ZNF540: variants seen among roughly 807,000 people sequenced by gnomAD.
The protein encoded by ZNF540 is CTD-3064H18.6.
A neutral mutation model predicts 11.8 loss-of-function variants in ZNF540; 3 were observed. That is an observed-to-expected ratio of 0.25 (90% CI 0.12 to 0.65). The LOEUF (loss-of-function observed/expected upper bound fraction) is 0.65, where lower values mean the gene tolerates loss of function less well. Among genes scored for constraint, ZNF540 ranks in the 30% least tolerant of loss-of-function variants. The probability of loss-of-function intolerance (pLI) is 0.83; values close to 1 mark genes in which losing one functional copy is unlikely to be tolerated. For synonymous variants in ZNF540, 247 were observed against 259.0 expected, an observed-to-expected ratio of 0.95 and a Z score of 0.45; for missense variants, 709 against 793.1, an observed-to-expected ratio of 0.89 and a Z score of 1.27.
intron 1 of ZNF540, chr19:37,560,637 G>C (rs1049772957): frequency 1.3e-5 from 2 of 152,022 alleles, no homozygotes; most frequent in Non-Finnish European, 2.9e-5. Context: ...CCAAAGTGCT[G>C]GGATTACAGG....
At position 37,613,186 on chromosome 19, in the gene ZNF540, G is replaced by A. The variant is rs1568370272; in HGVS notation, c.1906G>A (p.Glu636Lys). The A allele has an allele frequency of 6.2e-7, 1 of 1,611,788 alleles. No individual in the cohort carries two copies. Among genetic ancestry groups the A allele is most frequent in the East Asian group, 2.2e-5 (1 of 44,844 alleles). Residue 636 changes from glutamate (E) to lysine (K), a missense_variant, in exon 5 of 5, where the codon GAG becomes AAG. Coordinates refer to ENST00000316433, the MANE Select transcript of ZNF540 (RefSeq NM_001172225.3). ...AATTCACACTGGTGAGAAACCCTAT[G>A]AGTGTAAGGTATGTAGAAAGGCCTT... ...QRIHTGEKPYECKVCRKAFRQ... is the reference protein window; with the variant it reads ...QRIHTGEKPYKCKVCRKAFRQ...
At chr19:37,555,179 G>A (rs2042646617) in intron 1 of ZNF540, 1 of 152,196 alleles carries the variant, frequency 6.6e-6, no homozygotes, top group South Asian at 2.1e-4. Flanking sequence ...GAGCCAAGAT[G>A]GAGTCTGTCT....
At chr19:37,577,602 C>G (rs538292155) in intron 1 of ZNF540, among the ~76,000 whole-genome samples, 2 of 152,224 alleles carry the variant, frequency 1.3e-5, no homozygotes, top group East Asian at 3.9e-4. Context: ...ACCCCAAAAC[C>G]AGACAAGCTA....
intron 1 of ZNF540, chr19:37,587,466 A>C (rs2043714487): frequency 6.6e-6 from 1 of 152,304 alleles, no homozygotes; most frequent in Admixed American, 6.5e-5. Flanking sequence ...ACGGAGGGTC[A>C]AACAGGAGCA....
intron 4 of ZNF540, among the ~76,000 whole-genome samples, chr19:37,605,086 T>C (rs906099516): frequency 2.0e-5 from 3 of 152,228 alleles, no homozygotes; most frequent in African/African-American, 4.8e-5. Flanking sequence ...GAGTGCTTGT[T>C]TACAAGTCTT....
At position 37,613,390 on chromosome 19, in the gene ZNF540, C is replaced by A. The variant is rs1280340383; in HGVS notation, c.*127C>A. ...TTAATAAATGTATGAGTCTTAAATA[C>A]CTCTTAGTTCTCATTAAATTTAGGA... On this transcript the variant is annotated 3_prime_UTR_variant, in exon 5 of 5. Coordinates refer to ENST00000316433, the MANE Select transcript of ZNF540 (RefSeq NM_001172225.3). The A allele has an allele frequency of 2.2e-5, 14 of 630,238 alleles. No individual in the cohort carries two copies. Among genetic ancestry groups the A allele is most frequent in the South Asian group, 4.6e-5 (1 of 21,534 alleles). 39.0% of individuals were successfully genotyped at this position (630,238 alleles called of 1,614,324 possible). A position where few individuals can be genotyped will look rare whatever the true frequency, so the allele number is the denominator to read the frequency against.
At chr19:37,590,073 A>G (rs1280486969), upstream of ZNF540, among the ~76,000 whole-genome samples, 1 of 149,920 alleles carries the variant, frequency 6.7e-6, no homozygotes, top group East Asian at 2.0e-4. Context: ...TTGATCCTAG[A>G]TATGATTTTG....
intron 1 of ZNF540, among the ~76,000 whole-genome samples, chr19:37,576,465 T>C (rs1600495763): frequency 1.3e-5 from 2 of 152,304 alleles, no homozygotes; most frequent in South Asian, 4.1e-4. Flanking sequence ...AACCTTACTC[T>C]ACCATACAGC....
Position 37,613,148 on chromosome 19 carries a change from C to T in ZNF540, c.1868C>T (p.Thr623Ile). The T allele has an allele frequency of 6.2e-7, 1 of 1,613,892 alleles. No homozygotes were observed. The highest frequency in any genetic ancestry group is 1.1e-5 in the South Asian group (1 of 91,058). ...GCCTTTAGACTTAATTCACACCTTACTGAACATCAGAGAATTCACACTGGT... is the reference window on the plus strand; with the variant it reads ...GCCTTTAGACTTAATTCACACCTTATTGAACATCAGAGAATTCACACTGGT... ...GKAFRLNSHLTEHQRIHTGEK... is the reference protein window; with the variant it reads ...GKAFRLNSHLIEHQRIHTGEK... The change falls in exon 5 of 5, where the codon ACT (threonine) becomes ATT (isoleucine). Residue 623 changes from threonine (T) to isoleucine (I), a missense_variant. Transcript: ENST00000316433.
At chr19:37,562,555 A>T (rs1600447027) in intron 1 of ZNF540, 1 of 152,186 alleles carries the variant, frequency 6.6e-6, no homozygotes, top group South Asian at 2.1e-4. Context: ...TCATAGAAGA[A>T]CTGTAGGCAT....
intron 1 of ZNF540, chr19:37,556,209 G>T (rs1018232619): frequency 4.5e-6 from 3 of 666,190 alleles, no homozygotes; most frequent in Non-Finnish European, 8.2e-6. Context: ...TTCCTTGGAG[G>T]TACTGGCCCT....
intron 4 of ZNF540, among the ~76,000 whole-genome samples, chr19:37,610,130 A>T (rs1252715645): frequency 1.3e-5 from 2 of 151,884 alleles, no homozygotes; most frequent in Non-Finnish European, 2.9e-5. Context: ...GAGTGCATTT[A>T]ATCACTGTAA....
At chr19:37,607,289 T>G (rs775599029) in intron 4 of ZNF540, among the ~76,000 whole-genome samples, 1 of 151,778 alleles carries the variant, frequency 6.6e-6, no homozygotes, top group Non-Finnish European at 1.5e-5. Context: ...GGTACATTTG[T>G]TACAGTTGAT....
In ZNF540 at chr19:37,612,754, G is replaced by A. The variant is rs778190713; in HGVS notation, c.1474G>A (p.Val492Met). 11 of 1,613,992 alleles carry A rather than the reference G, an allele frequency of 6.8e-6. No homozygotes were observed. The highest frequency in any genetic ancestry group is 1.3e-5 in the African/African-American group (1 of 74,922). ...ISLHKKIHTD[V>M]KPYKCVRCGK... Reference sequence around the variant, plus strand: ...TCTACATAAGAAAATTCATACTGATGTGAAGCCCTACAAATGTGTACGATG... The same window carrying A: ...TCTACATAAGAAAATTCATACTGATATGAAGCCCTACAAATGTGTACGATG... Residue 492 changes from valine (V) to methionine (M), a missense_variant, in exon 5 of 5, where the codon GTG becomes ATG. Coordinates refer to ENST00000316433, the MANE Select transcript of ZNF540 (RefSeq NM_001172225.3).
chr19:37,556,855 T>C (rs1198884365), intron 1 of ZNF540, among the ~76,000 whole-genome samples: 1 of 152,128 alleles, frequency 6.6e-6, no homozygotes, highest in Non-Finnish European at 1.5e-5. Context: ...GTTTCTAAGA[T>C]TAATTTTGTA....
At chr19:37,574,139 C>T (rs2043163706) in intron 1 of ZNF540, among the ~76,000 whole-genome samples, 2 of 152,162 alleles carry the variant, frequency 1.3e-5, no homozygotes, top group Non-Finnish European at 2.9e-5. Context: ...TAAAACTATA[C>T]TCTTTATGTC....
At chr19:37,594,508 A>T (rs2043960034), upstream of ZNF540, 1 of 152,196 alleles carries the variant, frequency 6.6e-6, no homozygotes, top group Non-Finnish European at 1.5e-5. Context: ...GTGCGGAGGA[A>T]CACAACTAGC....
intron 1 of ZNF540, among the ~76,000 whole-genome samples, chr19:37,579,559 A>AC (rs5827984): frequency 0.78 from 117,934 of 152,068 alleles, 45,857 homozygotes; most frequent in South Asian, 0.88. Flanking sequence ...ATGAAAGTGG[A>AC]CCCTACCTTT....
At chr19:37,554,444 T>G (rs999685140) in intron 1 of ZNF540, among the ~76,000 whole-genome samples, 1 of 152,226 alleles carries the variant, frequency 6.6e-6, no homozygotes, top group South Asian at 2.1e-4. Flanking sequence ...CTAGCTTGCA[T>G]AGATTCTCAC....
Sources: gnomAD v4.1 joint callset for allele counts (sites outside exome capture counted in the v4.1 genomes callset) on GRCh38, gnomAD v4.1.1 for gene constraint, MANE v1.5 for transcripts, NCBI Gene and HGNC (gene_info 2026-07-23, HGNC 2026-07-21) for gene names.